Variants in DNER observed in about 807,000 individuals in gnomAD.
DNER encodes delta and Notch-like epidermal growth factor-related receptor.
A neutral mutation model predicts 78.2 loss-of-function variants in DNER; 33 were observed. The observed-to-expected ratio is 0.42, with a 90% confidence interval of 0.32 to 0.56. The LOEUF (loss-of-function observed/expected upper bound fraction) is 0.56, where lower values mean the gene tolerates loss of function less well. Among genes scored for constraint, DNER ranks in the 20% least tolerant of loss-of-function variants. DNER has a pLI of 0.11. For missense variants in DNER, 918 were observed against 975.3 expected (o/e 0.94, Z 0.78); for synonymous variants, 417 against 384.8 (o/e 1.08, Z -0.98).
intron 7 of DNER, among the ~76,000 whole-genome samples, chr2:229,461,700 A>G (rs1694706391): frequency 6.6e-6 from 1 of 152,096 alleles, no homozygotes; most frequent in African/African-American, 2.4e-5. Context: ...ATAAGCAAAT[A>G]TATTTGGATT....
chr2:229,506,090 G>A (rs1032923125), intron 6 of DNER, among the ~76,000 whole-genome samples: 2 of 152,098 alleles, frequency 1.3e-5, no homozygotes, highest in African/African-American at 4.8e-5. Flanking sequence ...AAACTGTTTT[G>A]GGGTTGTATT....
intron 11 of DNER, among the ~76,000 whole-genome samples, chr2:229,386,780 C>A (rs1692876132): frequency 6.6e-6 from 1 of 151,990 alleles, no homozygotes; most frequent in South Asian, 2.1e-4. Flanking sequence ...AATGAGATAC[C>A]ATCTCACGTC....
chr2:229,604,414 T>C (rs7556952), intron 1 of DNER, among the ~76,000 whole-genome samples: 2,505 of 152,226 alleles, frequency 0.016, 76 homozygotes, highest in African/African-American at 0.057. Context: ...TTCAGAGTAT[T>C]CCCTACCAGG....
At chr2:229,666,981 A>G (rs923531489) in intron 1 of DNER, among the ~76,000 whole-genome samples, 1 of 152,360 alleles carries the variant, frequency 6.6e-6, no homozygotes, top group East Asian at 1.9e-4. Context: ...AACAAAGGTC[A>G]CATTTGGGCA....
intron 4 of DNER, among the ~76,000 whole-genome samples, chr2:229,563,731 ATC>A (rs1697025105): frequency 2.2e-5 from 3 of 134,910 alleles, no homozygotes; most frequent in African/African-American, 2.8e-5. Context: ...CATCATCATC[ATC>A]ACCCCATCAC....
chr2:229,544,877 G>A (rs1372549222), intron 5 of DNER, among the ~76,000 whole-genome samples: 1 of 152,182 alleles, frequency 6.6e-6, no homozygotes, highest in Admixed American at 6.5e-5. Flanking sequence ...CAGCTAACAG[G>A]AAAGTCACAG....
At chr2:229,601,834 A>G (rs1236054357) in intron 1 of DNER, among the ~76,000 whole-genome samples, 1 of 152,144 alleles carries the variant, frequency 6.6e-6, no homozygotes, top group Middle Eastern at 3.2e-3. Flanking sequence ...CATAGTGATG[A>G]ATCTATAAGC....
At chr2:229,637,136 A>G (rs909285389) in intron 1 of DNER, among the ~76,000 whole-genome samples, 3 of 152,102 alleles carry the variant, frequency 2.0e-5, no homozygotes, top group Non-Finnish European at 2.9e-5. Flanking sequence ...GATCTTCCCC[A>G]ACCCACTCCC....
chr2:229,520,699 T>A (rs955538756), intron 5 of DNER, among the ~76,000 whole-genome samples: 3 of 152,196 alleles, frequency 2.0e-5, no homozygotes, highest in Non-Finnish European at 4.4e-5. Flanking sequence ...CATTTGAGCA[T>A]CCCACATCTG....
chr2:229,434,594 C>T (rs1352547201), intron 8 of DNER, among the ~76,000 whole-genome samples: 1 of 152,102 alleles, frequency 6.6e-6, no homozygotes, highest in African/African-American at 2.4e-5. Context: ...AAACACACAG[C>T]ATTTGTTCAT....
At position 229,552,537 on chromosome 2, in the gene DNER, G is replaced by A. The variant is rs144859477; in HGVS notation, c.848-5445C>T. On this transcript the variant is annotated intron_variant, in intron 4 of 12. Transcript: ENST00000341772. ...TCATGCTGTTCTCCTGATAGTGAGC[G>A]AGTTCTCATGAGATCTGATGGTTTT... Among the ~76,000 whole-genome samples, 1,370 of 152,242 alleles carry A rather than the reference G, an allele frequency of 9.0e-3. 9 individuals are homozygous for A. Among genetic ancestry groups the A allele is most frequent in the Non-Finnish European group, 0.014 (926 of 68,014 alleles).
At chr2:229,413,309 CTTT>C (rs1268301514) in intron 9 of DNER, among the ~76,000 whole-genome samples, 8 of 94,136 alleles carry the variant, frequency 8.5e-5, no homozygotes, top group African/African-American at 3.6e-5. Flanking sequence ...TTTTCTTTTT[CTTT>C]TTCTTCTTCT....
chr2:229,377,449 T>G (rs866592480), intron 11 of DNER, among the ~76,000 whole-genome samples: 1 of 152,226 alleles, frequency 6.6e-6, no homozygotes, highest in African/African-American at 2.4e-5. Flanking sequence ...GGAAGGCATA[T>G]TTTCCTTTTA....
intron 4 of DNER, among the ~76,000 whole-genome samples, chr2:229,554,018 G>C (rs566969415): frequency 6.6e-6 from 1 of 152,216 alleles, no homozygotes; most frequent in Admixed American, 6.5e-5. Flanking sequence ...TTGTTAAGTA[G>C]GAATAATAAC....
rs1699965283 is a variant in DNER, at chr2:229,714,506, C to A, written c.-83G>T. The A allele has an allele frequency of 4.7e-6, 5 of 1,067,880 alleles. No individual in the cohort carries two copies. Among genetic ancestry groups the A allele is most frequent in the Non-Finnish European group, 5.6e-6 (5 of 885,544 alleles). 66.2% of individuals were successfully genotyped at this position (1,067,880 alleles called of 1,614,324 possible). On this transcript the variant is annotated 5_prime_UTR_variant, in exon 1 of 13. Coordinates refer to ENST00000341772, the MANE Select transcript of DNER (RefSeq NM_139072.4). ...GCAGTGGCGACGAGAGCTGCGAGAG[C>A]GACGGTGGCGGCTAGGGCTGCTCCG... is the stretch of plus-strand genomic sequence containing the variant.
At chr2:229,446,948 G>A (rs921031404) in intron 8 of DNER, among the ~76,000 whole-genome samples, 1 of 152,296 alleles carries the variant, frequency 6.6e-6, no homozygotes, top group South Asian at 2.1e-4. Context: ...ACACAACACA[G>A]TGAAAGTTCT....
chr2:229,452,682 G>A (rs922412672), intron 7 of DNER, among the ~76,000 whole-genome samples: 1 of 152,170 alleles, frequency 6.6e-6, no homozygotes, highest in Non-Finnish European at 1.5e-5. Context: ...AGGCTGAAGT[G>A]CAGTGGCATG....
At chr2:229,598,025 C>T (rs1697754044) in intron 1 of DNER, among the ~76,000 whole-genome samples, 3 of 152,138 alleles carry the variant, frequency 2.0e-5, no homozygotes, top group African/African-American at 7.2e-5. Context: ...TTCTCTGCTA[C>T]CCATGTTTCT....
intron 1 of DNER, among the ~76,000 whole-genome samples, chr2:229,656,483 C>T (rs1698913879): frequency 6.6e-6 from 1 of 152,082 alleles, no homozygotes; most frequent in East Asian, 1.9e-4. Context: ...TACCACTAAG[C>T]GTGGGCTGAG....
Sources: allele counts gnomAD v4.1 joint callset (sites outside exome capture counted in the v4.1 genomes callset), GRCh38; gene constraint gnomAD v4.1.1; transcripts MANE v1.5; gene names NCBI Gene and HGNC (gene_info 2026-07-23, HGNC 2026-07-21).